GABRG3: variants seen among roughly 807,000 people sequenced by gnomAD.
The protein encoded by GABRG3 is gamma-aminobutyric acid receptor subunit gamma-3.
In GABRG3, 25 loss-of-function variants were observed where a neutral mutation model predicts 48.8. The observed-to-expected ratio is 0.51, with a 90% CI of 0.37 to 0.72. GABRG3 has a LOEUF of 0.72. Ranked by LOEUF, GABRG3 falls within the 30% of genes least tolerant of loss-of-function variation. GABRG3 has a pLI of 0.00. For missense variants in GABRG3, 394 were observed against 577.9 expected (o/e 0.68, Z 3.26); for synonymous variants, 227 against 217.6 (o/e 1.04, Z -0.38).
At chr15:27,407,585 A>G (rs760489263) in intron 5 of GABRG3, among the ~76,000 whole-genome samples, 4 of 152,238 alleles carry the variant, frequency 2.6e-5, no homozygotes, top group Non-Finnish European at 5.9e-5. Context: ...GTAAATGAAT[A>G]AGTCAACTTT....
chr15:27,405,794 A>G (rs1252085993), intron 5 of GABRG3, among the ~76,000 whole-genome samples: 1 of 151,614 alleles, frequency 6.6e-6, no homozygotes, highest in African/African-American at 2.4e-5. Flanking sequence ...GTCTCTAAAT[A>G]TGATTTTCTA....
intron 5 of GABRG3, among the ~76,000 whole-genome samples, chr15:27,388,141 GGTAAGGAA>G (rs1236244351): frequency 1.1e-5 from 1 of 89,026 alleles, no homozygotes; most frequent in Non-Finnish European, 2.1e-5. Context: ...AGGGAGGGAG[GGTAAGGAA>G]GGAAGGAAGA....
At chr15:27,166,291 A>T (rs1887367476) in intron 3 of GABRG3, among the ~76,000 whole-genome samples, 1 of 152,210 alleles carries the variant, frequency 6.6e-6, no homozygotes, top group African/African-American at 2.4e-5. Context: ...AAATTTTCTT[A>T]TGGTATCTCA....
At chr15:27,248,721 A>G in intron 3 of GABRG3, among the ~76,000 whole-genome samples, 1 of 150,724 alleles carries the variant, frequency 6.6e-6, no homozygotes, top group South Asian at 2.1e-4. Context: ...AGTTTTCATG[A>G]TCCCAGCAAT....
chr15:27,212,833 A>G (rs975545385), intron 3 of GABRG3, among the ~76,000 whole-genome samples: 5 of 152,078 alleles, frequency 3.3e-5, no homozygotes, highest in African/African-American at 1.2e-4. Context: ...GTCTTATGGT[A>G]TTTGTCCTTT....
chr15:27,490,086 C>T (rs1890313330), intron 6 of GABRG3, among the ~76,000 whole-genome samples: 1 of 152,166 alleles, frequency 6.6e-6, no homozygotes, highest in Non-Finnish European at 1.5e-5. Context: ...CAGTTTTCTG[C>T]ATATGGCTAG....
intron 3 of GABRG3, among the ~76,000 whole-genome samples, chr15:27,062,472 A>G (rs1270399833): frequency 4.1e-5 from 6 of 147,900 alleles, no homozygotes; most frequent in African/African-American, 1.5e-4. Flanking sequence ...GCCTTGCATG[A>G]TGGCAGGTGC....
intron 3 of GABRG3, chr15:27,271,718 TC>T (rs1891097188): frequency 3.9e-5 from 17 of 435,880 alleles, no homozygotes; most frequent in South Asian, 2.8e-4. Flanking sequence ...CAGAGGGACC[TC>T]CTGCACCAAG....
At chr15:27,388,217 G>A (rs1213358674) in intron 5 of GABRG3, among the ~76,000 whole-genome samples, 9 of 75,254 alleles carry the variant, frequency 1.2e-4, no homozygotes, top group Non-Finnish European at 1.5e-4. Flanking sequence ...AGGAAAGGAG[G>A]AAGGAAGGAA....
intron 3 of GABRG3, among the ~76,000 whole-genome samples, chr15:27,062,514 A>G (rs1203588085): frequency 6.6e-6 from 1 of 150,980 alleles, no homozygotes; most frequent in Non-Finnish European, 1.5e-5. Flanking sequence ...AGGCTGAGGC[A>G]GGAGAATCGC....
chr15:27,478,025 T>C (rs908136346), intron 5 of GABRG3, among the ~76,000 whole-genome samples: 2 of 145,950 alleles, frequency 1.4e-5, no homozygotes, highest in Non-Finnish European at 3.0e-5. Flanking sequence ...ACAGCCTGGG[T>C]GACAGAGGGA....
intron 3 of GABRG3, among the ~76,000 whole-genome samples, chr15:27,249,067 G>A (rs915831758): frequency 6.6e-6 from 1 of 152,138 alleles, no homozygotes; most frequent in Non-Finnish European, 1.5e-5. Flanking sequence ...AATAACTAGC[G>A]ACAATGCATA....
intron 9 of GABRG3, 23 bp from the exon 10 acceptor site, chr15:27,532,577 T>C (rs958468543): frequency 1.2e-6 from 2 of 1,609,474 alleles, no homozygotes. Flanking sequence ...CAATGGTTGT[T>C]GTGTCATTTT....
chr15:27,474,696 A>G (rs1342385389), intron 5 of GABRG3, among the ~76,000 whole-genome samples: 1 of 152,246 alleles, frequency 6.6e-6, no homozygotes, highest in African/African-American at 2.4e-5. Flanking sequence ...GTCTTTGAGA[A>G]AACTATGGAA....
chr15:27,248,900 TAC>T (rs1408369054), intron 3 of GABRG3, among the ~76,000 whole-genome samples: 1 of 151,520 alleles, frequency 6.6e-6, no homozygotes, highest in Non-Finnish European at 1.5e-5. Context: ...CCTGGGGCTG[TAC>T]CATGAACGGG....
At chr15:27,134,861 G>A (rs564398993) in intron 3 of GABRG3, among the ~76,000 whole-genome samples, 1 of 152,298 alleles carries the variant, frequency 6.6e-6, no homozygotes, top group African/African-American at 2.4e-5. Context: ...TTCCCCTGAA[G>A]CTAGGGATCC....
At chr15:27,436,936 C>T (rs1888630054) in intron 5 of GABRG3, among the ~76,000 whole-genome samples, 1 of 149,174 alleles carries the variant, frequency 6.7e-6, no homozygotes, top group African/African-American at 2.5e-5. Context: ...TTCAATGCTG[C>T]AGTGAGCTAT....
chr15:27,023,916 A>G (rs1406445617), intron 2 of GABRG3, among the ~76,000 whole-genome samples: 1 of 152,232 alleles, frequency 6.6e-6, no homozygotes, highest in Non-Finnish European at 1.5e-5. Context: ...TTCTTCCCAC[A>G]AACAGTGCAC....
intron 3 of GABRG3, among the ~76,000 whole-genome samples, chr15:27,159,641 G>T (rs567445318): frequency 6.6e-6 from 1 of 151,942 alleles, no homozygotes; most frequent in East Asian, 1.9e-4. Context: ...TCCTGGAAAC[G>T]CTAGACTTTC....
Sources: gnomAD v4.1 joint callset for allele counts (sites outside exome capture counted in the v4.1 genomes callset) on GRCh38, gnomAD v4.1.1 for gene constraint, MANE v1.5 for transcripts, NCBI Gene and HGNC (gene_info 2026-07-23, HGNC 2026-07-21) for gene names.